The following ZNF385D variants were observed in gnomAD, a reference collection of about 807,000 sequenced individuals.
ZNF385D encodes the protein zinc finger protein 385D.
Under a neutral mutation model 35.8 loss-of-function variants are expected in ZNF385D, and 15 were observed. The ratio of observed to expected loss-of-function variants is 0.42; its 90% CI spans 0.28 to 0.64. The LOEUF (loss-of-function observed/expected upper bound fraction) is 0.64. Ranked by LOEUF, ZNF385D falls within the 30% of genes least tolerant of loss-of-function variation. The probability of loss-of-function intolerance (pLI) is 0.23; values close to 1 mark genes in which losing one functional copy is unlikely to be tolerated. For missense variants in ZNF385D, 474 were observed against 494.6 expected, an observed-to-expected ratio of 0.96 and a Z score of 0.39; for synonymous variants, 212 against 186.8, an observed-to-expected ratio of 1.13 and a Z score of -1.10.
chr3:22,065,488 T>G (rs946829163), intron 3 of ZNF385D, among the ~76,000 whole-genome samples: 4 of 152,150 alleles, frequency 2.6e-5, no homozygotes, highest in African/African-American at 9.7e-5. Context: ...CACCCTACAC[T>G]TTCATGTTAG....
Position 21,944,272 on chromosome 3 carries a change from GTC to G in ZNF385D, c.325+224543_325+224544del, listed in dbSNP as rs1156779488. 7.9e-5 allele frequency among the ~76,000 whole-genome samples: 12 copies of G among 152,256 alleles called. No homozygotes were observed. The East Asian group carries it at 2.3e-3, about 29-fold the overall frequency. ...AAACTATTACAGAAATGAATAGAAG[GTC>G]GTCTCTGCAGATTTTCTCTTGCCTT... On this transcript the variant is annotated intron_variant, in intron 3 of 5. Coordinates refer to the ZNF385D transcript ENST00000494108.
intron 2 of ZNF385D, among the ~76,000 whole-genome samples, chr3:22,209,078 G>T (rs1054743132): frequency 1.3e-5 from 2 of 151,844 alleles, no homozygotes; most frequent in African/African-American, 4.8e-5. Context: ...GCACAGAACT[G>T]CAGGCCATAA....
chr3:21,826,248 G>A (rs536750178), intron 3 of ZNF385D, among the ~76,000 whole-genome samples: 2 of 152,304 alleles, frequency 1.3e-5, no homozygotes, highest in Admixed American at 1.3e-4. Flanking sequence ...ATTAGAATAT[G>A]GGAGAGGGGA....
chr3:21,560,406 G>A (rs1469447955), intron 3 of ZNF385D, among the ~76,000 whole-genome samples: 1 of 152,026 alleles, frequency 6.6e-6, no homozygotes, highest in Non-Finnish European at 1.5e-5. Context: ...CTTCTAATAG[G>A]CCCCTCTGCT....
At chr3:21,743,193 G>A (rs1214988328) in intron 1 of ZNF385D, among the ~76,000 whole-genome samples, 1 of 152,206 alleles carries the variant, frequency 6.6e-6, no homozygotes, top group Admixed American at 6.5e-5. Flanking sequence ...AGACTAGACT[G>A]GGATTCCATC....
chr3:21,902,012 T>C (rs572892513), intron 3 of ZNF385D, among the ~76,000 whole-genome samples: 42 of 152,270 alleles, frequency 2.8e-4, no homozygotes, highest in African/African-American at 1.0e-3. Context: ...CTATTCTTTA[T>C]TCCCTTTGGT....
At chr3:22,256,329 G>T (rs1445244879) in intron 2 of ZNF385D, among the ~76,000 whole-genome samples, 2 of 150,928 alleles carry the variant, frequency 1.3e-5, no homozygotes, top group Non-Finnish European at 3.0e-5. Flanking sequence ...ATTAAGAAAG[G>T]TCTCCCCAAA....
chr3:22,116,030 T>A (rs115569745), intron 3 of ZNF385D, among the ~76,000 whole-genome samples: 1 of 152,180 alleles, frequency 6.6e-6, no homozygotes, highest in African/African-American at 2.4e-5. Flanking sequence ...CAGAATTAAC[T>A]CCTGTATTTT....
At chr3:21,474,897 A>G (rs1704135450) in intron 4 of ZNF385D, among the ~76,000 whole-genome samples, 1 of 152,082 alleles carries the variant, frequency 6.6e-6, no homozygotes, top group African/African-American at 2.4e-5. Context: ...AATTAGGACT[A>G]AGACATATCT....
intron 3 of ZNF385D, among the ~76,000 whole-genome samples, chr3:21,813,705 A>T (rs2073031054): frequency 1.3e-5 from 2 of 152,188 alleles, no homozygotes; most frequent in African/African-American, 4.8e-5. Flanking sequence ...GACTCTGTGA[A>T]AAGACCAAAT....
chr3:21,502,079 A>C (rs1291310528), intron 4 of ZNF385D, among the ~76,000 whole-genome samples: 1 of 152,176 alleles, frequency 6.6e-6, no homozygotes, highest in African/African-American at 2.4e-5. Context: ...TTACTTCAGT[A>C]AGGCAACTGG....
intron 2 of ZNF385D, among the ~76,000 whole-genome samples, chr3:22,199,136 C>CA (rs2125239244): frequency 6.6e-6 from 1 of 151,950 alleles, no homozygotes; most frequent in East Asian, 1.9e-4. Context: ...ACCAAACACA[C>CA]AAAAAACATA....
At chr3:21,453,234 C>A (rs1478341194) in intron 4 of ZNF385D, among the ~76,000 whole-genome samples, 2 of 150,206 alleles carry the variant, frequency 1.3e-5, no homozygotes, top group Non-Finnish European at 3.0e-5. Context: ...GGATCAGTAA[C>A]CTAAATGTAG....
intron 5 of ZNF385D, among the ~76,000 whole-genome samples, chr3:21,431,599 G>A (rs1288224376): frequency 1.3e-5 from 2 of 152,136 alleles, no homozygotes; most frequent in Non-Finnish European, 2.9e-5. Context: ...ATTTTAGATA[G>A]TACAGCTCCA....
intron 2 of ZNF385D, among the ~76,000 whole-genome samples, chr3:21,633,944 C>G (rs2065351574): frequency 6.6e-6 from 1 of 152,000 alleles, no homozygotes; most frequent in South Asian, 2.1e-4. Context: ...ATCTGTAATC[C>G]TAGCACTTTG....
At chr3:21,730,123 G>A (rs2068929052) in intron 1 of ZNF385D, among the ~76,000 whole-genome samples, 1 of 152,194 alleles carries the variant, frequency 6.6e-6, no homozygotes, top group South Asian at 2.1e-4. Context: ...CGCATCCAGG[G>A]ATTTGACCAT....
At chr3:22,165,068 G>A (rs1053946548) in intron 3 of ZNF385D, among the ~76,000 whole-genome samples, 2 of 152,170 alleles carry the variant, frequency 1.3e-5, no homozygotes, top group Admixed American at 1.3e-4. Flanking sequence ...TCTGTATGAT[G>A]TTGTGATGTT....
At chr3:21,858,318 G>C (rs962861808) in intron 3 of ZNF385D, among the ~76,000 whole-genome samples, 1 of 151,986 alleles carries the variant, frequency 6.6e-6, no homozygotes, top group Admixed American at 6.6e-5. Context: ...CGGCCACCAA[G>C]GAACAGTTAT....
At chr3:21,994,516 T>A (rs572599155) in intron 3 of ZNF385D, among the ~76,000 whole-genome samples, 19 of 150,066 alleles carry the variant, frequency 1.3e-4, no homozygotes, top group South Asian at 6.3e-4. Flanking sequence ...CATTTTATAT[T>A]TTTTTTTAGG....
Sources: allele counts gnomAD v4.1 joint callset (sites outside exome capture counted in the v4.1 genomes callset), GRCh38; gene constraint gnomAD v4.1.1; transcripts MANE v1.5; gene names NCBI Gene and HGNC (gene_info 2026-07-23, HGNC 2026-07-21).